APBB2: variants seen among roughly 807,000 people sequenced by gnomAD.
The protein encoded by APBB2 is amyloid beta precursor protein binding family B member 2.
A neutral mutation model predicts 82.5 loss-of-function variants in APBB2; 38 were observed. The ratio of observed to expected loss-of-function variants is 0.46; its 90% CI spans 0.36 to 0.60. The LOEUF (loss-of-function observed/expected upper bound fraction) is 0.60, where lower values mean the gene tolerates loss of function less well. APBB2 is among the 20% of genes least tolerant of loss of function. The pLI is 0.00. For synonymous variants in APBB2, 341 were observed against 368.2 expected, an observed-to-expected ratio of 0.93 and a Z score of 0.85; for missense variants, 772 against 972.3, an observed-to-expected ratio of 0.79 and a Z score of 2.74.
intron 12 of APBB2, among the ~76,000 whole-genome samples, chr4:40,847,837 C>T (rs78308053): frequency 0.014 from 2,160 of 151,126 alleles, 32 homozygotes; most frequent in Non-Finnish European, 0.023. Flanking sequence ...GATGGGATCT[C>T]GCTCTGTTGC....
chr4:40,901,954 G>A (rs1775430634), intron 10 of APBB2, among the ~76,000 whole-genome samples: 1 of 145,156 alleles, frequency 6.9e-6, no homozygotes, highest in Non-Finnish European at 1.5e-5. Context: ...ATGGAAAGAT[G>A]GTCCAAAGCT....
chr4:40,961,576 G>A (rs535062259), intron 6 of APBB2, among the ~76,000 whole-genome samples: 1 of 144,160 alleles, frequency 6.9e-6, no homozygotes, highest in African/African-American at 2.6e-5. Context: ...GCGCACCAGC[G>A]TGGCACATGT....
chr4:40,883,178 G>A (rs1467447349), intron 12 of APBB2, among the ~76,000 whole-genome samples: 1 of 152,176 alleles, frequency 6.6e-6, no homozygotes, highest in Non-Finnish European at 1.5e-5. Context: ...CAGAGTACTT[G>A]TGGCAGCAGC....
intron 3 of APBB2, among the ~76,000 whole-genome samples, chr4:41,082,999 C>A (rs771183865): frequency 2.6e-5 from 4 of 151,952 alleles, no homozygotes; most frequent in Non-Finnish European, 2.9e-5. Context: ...CCCATCTCTA[C>A]TAAAAATACA....
rs149322188 is a variant in APBB2 at position 41,021,498 on chromosome 4, C to T, written c.20-7100G>A. 6.0e-3 allele frequency among the ~76,000 whole-genome samples: 909 copies of T among 152,288 alleles called. 10 individuals carry two copies. Among genetic ancestry groups the T allele is most frequent in the African/African-American group, 0.02 (833 of 41,566 alleles). On this transcript the variant is annotated intron_variant, in intron 5 of 17. Coordinates refer to ENST00000508593, the MANE Select transcript of APBB2 (RefSeq NM_004307.2). ...TCTAGCTAAAGGATTGTAAATGCACCAATCAGCACTCTATGTCTTGCTAAA... is the reference window on the plus strand; with the variant it reads ...TCTAGCTAAAGGATTGTAAATGCACTAATCAGCACTCTATGTCTTGCTAAA...
chr4:41,202,030 T>C (rs1776819566), intron 1 of APBB2, among the ~76,000 whole-genome samples: 1 of 152,180 alleles, frequency 6.6e-6, no homozygotes, highest in South Asian at 2.1e-4. Flanking sequence ...TGCACTGAGG[T>C]GAGAACATGC....
intron 6 of APBB2, among the ~76,000 whole-genome samples, chr4:40,947,738 A>C (rs1484373537): frequency 6.6e-6 from 1 of 152,370 alleles, no homozygotes; most frequent in Non-Finnish European, 1.5e-5. Flanking sequence ...CCTTCATATT[A>C]TCTCACATTG....
Position 41,078,164 on chromosome 4 carries a change from C to A in APBB2, c.-148-12491G>T, listed in dbSNP as rs190061222. 1.2e-3 allele frequency among the ~76,000 whole-genome samples: 188 copies of A among 151,932 alleles called. 1 individual carries two copies. The highest frequency in any genetic ancestry group is 4.4e-3 in the African/African-American group (184 of 41,416). ...GAGGAAGAATAAAAGAAAGATAAACCCCTCTCTTCCTCAATGGAATTCATG... is the reference window on the plus strand; with the variant it reads ...GAGGAAGAATAAAAGAAAGATAAACACCTCTCTTCCTCAATGGAATTCATG... On this transcript the variant is annotated intron_variant, in intron 3 of 17. Transcript: ENST00000508593.
chr4:40,995,293 T>A (rs896835343), intron 6 of APBB2, among the ~76,000 whole-genome samples: 1 of 152,194 alleles, frequency 6.6e-6, no homozygotes, highest in African/African-American at 2.4e-5. Flanking sequence ...CATAACAAAT[T>A]AATAGATTCT....
chr4:41,067,569 G>A (rs1223176468), intron 3 of APBB2, among the ~76,000 whole-genome samples: 5 of 152,196 alleles, frequency 3.3e-5, no homozygotes, highest in Non-Finnish European at 2.9e-5. Flanking sequence ...GTCAGTGAGT[G>A]ACGTCACTGC....
intron 4 of APBB2, among the ~76,000 whole-genome samples, chr4:41,047,646 T>C (rs554923040): frequency 1.3e-5 from 2 of 152,356 alleles, no homozygotes; most frequent in East Asian, 3.9e-4. Flanking sequence ...CATTGGGACG[T>C]TGAAAAGCAG....
chr4:40,829,953 T>A (rs1377759432), intron 13 of APBB2, among the ~76,000 whole-genome samples: 1 of 152,216 alleles, frequency 6.6e-6, no homozygotes, highest in African/African-American at 2.4e-5. Flanking sequence ...TGCCACCTCC[T>A]TTCCTGTAGC....
intron 2 of APBB2, among the ~76,000 whole-genome samples, chr4:41,128,484 C>T (rs1413327094): frequency 6.6e-6 from 1 of 152,218 alleles, no homozygotes; most frequent in African/African-American, 2.4e-5. Flanking sequence ...TCTAAAAAAT[C>T]TAACTGATCA....
intron 1 of APBB2, among the ~76,000 whole-genome samples, chr4:41,204,389 A>G (rs1260022752): frequency 1.3e-5 from 2 of 152,152 alleles, no homozygotes; most frequent in South Asian, 2.1e-4. Context: ...GAAGCAACCG[A>G]GGTGGGAGGG....
Position 41,033,279 on chromosome 4 carries a change from G to A in APBB2, c.-25C>T, listed in dbSNP as rs1374541137. ...TGGATCACCAGGCGTCAGCAATGGT[G>A]CAGGAAATAGGTTATAATTTGAAAT... On this transcript the variant is annotated 5_prime_UTR_variant, in exon 5 of 18. Transcript: ENST00000508593. 6.3e-7 allele frequency: 1 copy of A among 1,597,992 alleles called. No individual in the cohort carries two copies. The highest frequency in any genetic ancestry group is 2.2e-5 in the East Asian group (1 of 44,566).
chr4:40,951,956 G>GT (rs1278270462), intron 6 of APBB2, among the ~76,000 whole-genome samples: 2 of 152,080 alleles, frequency 1.3e-5, no homozygotes, highest in Non-Finnish European at 2.9e-5. Context: ...GAGGCCAAGG[G>GT]GGGGTGGATC....
chr4:41,096,992 T>C (rs1743701159), intron 3 of APBB2, among the ~76,000 whole-genome samples: 1 of 152,170 alleles, frequency 6.6e-6, no homozygotes. Flanking sequence ...CACACAAAGG[T>C]TTATAAAACA....
chr4:41,173,674 A>C (rs1216371599), intron 1 of APBB2, among the ~76,000 whole-genome samples: 1 of 152,158 alleles, frequency 6.6e-6, no homozygotes, highest in African/African-American at 2.4e-5. Flanking sequence ...AATACTTACC[A>C]TTGTGTTACA....
chr4:41,066,251 T>C (rs144522234), intron 3 of APBB2, among the ~76,000 whole-genome samples: 1 of 152,208 alleles, frequency 6.6e-6, no homozygotes, highest in African/African-American at 2.4e-5. Context: ...ACCAGAACAT[T>C]ATCAGCACTG....
Sources: gnomAD v4.1 joint callset for allele counts (sites outside exome capture counted in the v4.1 genomes callset) on GRCh38, gnomAD v4.1.1 for gene constraint, MANE v1.5 for transcripts, NCBI Gene and HGNC (gene_info 2026-07-23, HGNC 2026-07-21) for gene names.